Variants in TNIP3 observed in about 807,000 individuals in gnomAD.
The protein encoded by TNIP3 is TNFAIP3-interacting protein 3.
In TNIP3, 34 loss-of-function variants were observed where a neutral mutation model predicts 54.1. The ratio of observed to expected loss-of-function variants is 0.63; its 90% confidence interval spans 0.48 to 0.84. The LOEUF (loss-of-function observed/expected upper bound fraction) is 0.84. Among genes scored for constraint, TNIP3 ranks in the 40% least tolerant of loss-of-function variants. The probability of loss-of-function intolerance (pLI) is 0.00; values close to 1 mark genes in which losing one functional copy is unlikely to be tolerated. For synonymous variants in TNIP3, 134 were observed against 136.8 expected, an observed-to-expected ratio of 0.98 and a Z score of 0.14; for missense variants, 366 against 387.6, an observed-to-expected ratio of 0.94 and a Z score of 0.47.
intron 2 of TNIP3, among the ~76,000 whole-genome samples, chr4:121,188,488 C>A (rs971393289): frequency 6.6e-6 from 1 of 152,052 alleles, no homozygotes; most frequent in South Asian, 2.1e-4. Flanking sequence ...CAAAGGTCTC[C>A]AGTACAGAAG....
intron 1 of TNIP3, 151 bp downstream of exon 1, chr4:121,163,909 T>A (rs1730607659): frequency 4.9e-6 from 4 of 815,654 alleles, no homozygotes; most frequent in Non-Finnish European, 7.0e-6. Flanking sequence ...TTTTTCTATG[T>A]TACATAATTT....
chr4:121,141,253 G>C (rs1419870054), intron 9 of TNIP3, among the ~76,000 whole-genome samples: 1 of 152,162 alleles, frequency 6.6e-6, no homozygotes, highest in African/African-American at 2.4e-5. Flanking sequence ...CAGGTTGACT[G>C]TCCAAATCAA....
chr4:121,148,748 A>G (rs1445957432), intron 6 of TNIP3, among the ~76,000 whole-genome samples: 1 of 152,254 alleles, frequency 6.6e-6, no homozygotes, highest in Non-Finnish European at 1.5e-5. Flanking sequence ...GCTACTTCAT[A>G]TGAAGCAATA....
chr4:121,199,886 G>T (rs1332370892), intron 2 of TNIP3, among the ~76,000 whole-genome samples: 1 of 152,160 alleles, frequency 6.6e-6, no homozygotes, highest in Non-Finnish European at 1.5e-5. Context: ...AGGAGCGAAG[G>T]CTGGGATACA....
At chr4:121,167,440 G>A (rs1240173387), upstream of TNIP3, among the ~76,000 whole-genome samples, 1 of 152,120 alleles carries the variant, frequency 6.6e-6, no homozygotes, top group Non-Finnish European at 1.5e-5. Context: ...TTGACAGAGA[G>A]TGAAAGCTGA....
intron 6 of TNIP3, among the ~76,000 whole-genome samples, chr4:121,147,716 T>C (rs996401077): frequency 1.3e-5 from 2 of 152,178 alleles, no homozygotes; most frequent in Non-Finnish European, 2.9e-5. Flanking sequence ...TATAAAGCTA[T>C]GAAAACAAAT....
upstream of TNIP3, among the ~76,000 whole-genome samples, chr4:121,219,618 A>T (rs906187953): frequency 5.3e-5 from 8 of 152,204 alleles, no homozygotes; most frequent in Admixed American, 5.2e-4. Flanking sequence ...CTAAAGTCAG[A>T]TTCAAGGGCA....
chr4:121,202,564 C>A (rs1310215845), intron 2 of TNIP3, among the ~76,000 whole-genome samples: 1 of 152,014 alleles, frequency 6.6e-6, no homozygotes, highest in Admixed American at 6.6e-5. Context: ...CCAAATGCAA[C>A]AAAAACAAGA....
At chr4:121,133,077 A>G (rs577639080) in intron 10 of TNIP3, among the ~76,000 whole-genome samples, 73 of 152,350 alleles carry the variant, frequency 4.8e-4, no homozygotes, top group Non-Finnish European at 9.3e-4. Context: ...TGCCAAAGCT[A>G]TGGAAAATAT....
intron 2 of TNIP3, among the ~76,000 whole-genome samples, chr4:121,186,042 G>C (rs1725000561): frequency 6.6e-6 from 1 of 152,196 alleles, no homozygotes; most frequent in East Asian, 1.9e-4. Context: ...ACGTGAGCCT[G>C]GTTCAGCACA....
chr4:121,221,748 G>C (rs1364991069), intron 1 of TNIP3, among the ~76,000 whole-genome samples: 1 of 151,700 alleles, frequency 6.6e-6, no homozygotes, highest in Non-Finnish European at 1.5e-5. Context: ...CTACCCAACA[G>C]AGCTGTAACT....
chr4:121,172,788 G>T (rs973848452), intron 3 of TNIP3, among the ~76,000 whole-genome samples: 1 of 152,074 alleles, frequency 6.6e-6, no homozygotes, highest in African/African-American at 2.4e-5. Context: ...AATATAAATT[G>T]CCTGAGAAAA....
At chr4:121,181,624 G>GGTGTGTGTGT (rs3028475) in intron 3 of TNIP3, among the ~76,000 whole-genome samples, 1,997 of 148,664 alleles carry the variant, frequency 0.013, 26 homozygotes, top group South Asian at 0.031. Context: ...TAATAAGACA[G>GGTGTGTGTGT]GTGTGTGTGT....
intron 3 of TNIP3, among the ~76,000 whole-genome samples, chr4:121,177,268 A>G (rs1724414665): frequency 6.6e-6 from 1 of 152,164 alleles, no homozygotes; most frequent in Non-Finnish European, 1.5e-5. Context: ...TCTTAATATC[A>G]TTCTCACTTA....
Position 121,182,568 on chromosome 4 carries a change from G to A in TNIP3, c.189+108C>T, listed in dbSNP as rs1724774347. 7 of 1,295,356 alleles carry A rather than the reference G, an allele frequency of 5.4e-6. 1 individual carries two copies. In the African/African-American group the frequency reaches 8.9e-5, roughly 16 times the overall value. The allele number at this position is 1,295,356 out of a possible 1,614,324, so 80.2% of individuals were successfully genotyped here. On this transcript the variant is annotated intron_variant, in intron 3 of 12. Transcript: ENST00000507879. ...GTTTATCCTCTCAGCTGACAAGGAA[G>A]TACATGACTGACGGTAAATGACTTG... is the stretch of plus-strand genomic sequence containing the variant.
At chr4:121,227,376 G>C (rs1727303263) in intron 1 of TNIP3, 2 of 1,535,128 alleles carry the variant, frequency 1.3e-6, no homozygotes, top group South Asian at 2.4e-5. Context: ...AAGACATTAT[G>C]TTACTCACCA....
chr4:121,138,083 G>A (rs1292103583), intron 10 of TNIP3: 2 of 435,654 alleles, frequency 4.6e-6, no homozygotes, highest in Admixed American at 5.0e-5. Context: ...TTAGTTGTGA[G>A]TACTTCATAA....
chr4:121,180,138 C>T (rs1001011553), intron 3 of TNIP3, among the ~76,000 whole-genome samples: 1 of 151,994 alleles, frequency 6.6e-6, no homozygotes, highest in Non-Finnish European at 1.5e-5. Flanking sequence ...CGGTGGCTCA[C>T]GCCTGTAATC....
At chr4:121,144,051 C>T (rs1729283566) in intron 7 of TNIP3, among the ~76,000 whole-genome samples, 1 of 152,174 alleles carries the variant, frequency 6.6e-6, no homozygotes, top group South Asian at 2.1e-4. Context: ...AAGGATGTAT[C>T]ACAAAGCACC....
Sources: gnomAD v4.1 joint callset for allele counts (sites outside exome capture counted in the v4.1 genomes callset) on GRCh38, gnomAD v4.1.1 for gene constraint, MANE v1.5 for transcripts, NCBI Gene and HGNC (gene_info 2026-07-23, HGNC 2026-07-21) for gene names.